WDR27: variants seen among roughly 807,000 people sequenced by gnomAD.
WDR27 encodes the protein WD repeat-containing protein 27.
Under a neutral mutation model 114.4 loss-of-function variants are expected in WDR27, and 100 were observed. The observed-to-expected ratio is 0.87, with a 90% CI of 0.74 to 1.03. The LOEUF is 1.03. Among genes scored for constraint, WDR27 ranks in the 50% least tolerant of loss-of-function variants. The pLI, the probability that WDR27 is intolerant of heterozygous loss-of-function variation, is 0.00. For synonymous variants in WDR27, 449 were observed against 423.1 expected, an observed-to-expected ratio of 1.06 and a Z score of -0.75; for missense variants, 1,129 against 1,092.9, an observed-to-expected ratio of 1.03 and a Z score of -0.47.
At chr6:169,621,066 C>T (rs1422661020) in intron 21 of WDR27, among the ~76,000 whole-genome samples, 1 of 152,214 alleles carries the variant, frequency 6.6e-6, no homozygotes, top group Non-Finnish European at 1.5e-5. Context: ...ATTCACAGAA[C>T]ACTGCCAAGT....
rs187771538 is a variant in WDR27, at chr6:169,642,582, G to A, written c.1747+1115C>T. Among the ~76,000 whole-genome samples, 407 of 152,296 alleles carry A rather than the reference G, an allele frequency of 2.7e-3. 2 individuals carry two copies. Among genetic ancestry groups the A allele is most frequent in the African/African-American group, 9.4e-3 (391 of 41,574 alleles). Reference sequence around the variant, plus strand: ...CAAGGGTGGCATCCAGGCCAAGCCCGGAGAACCGTTCTCCACCCAGACCAT... The same window carrying A: ...CAAGGGTGGCATCCAGGCCAAGCCCAGAGAACCGTTCTCCACCCAGACCAT... On this transcript the variant is annotated intron_variant, in intron 17 of 25. Coordinates refer to ENST00000448612, the MANE Select transcript of WDR27 (RefSeq NM_182552.5).
the WDR27 span, among the ~76,000 whole-genome samples, chr6:169,447,278 G>A: frequency 1.3e-5 from 2 of 152,066 alleles, no homozygotes; most frequent in Non-Finnish European, 2.9e-5. Flanking sequence ...TCAATTATAC[G>A]CAATTTAAAT....
At chr6:169,510,743 G>A in intron 25 of WDR27, among the ~76,000 whole-genome samples, 1 of 151,882 alleles carries the variant, frequency 6.6e-6, no homozygotes, top group Non-Finnish European at 1.5e-5. Flanking sequence ...TAACAAACCT[G>A]CACGTTGTGC....
At chr6:169,616,728 A>C (rs1007706147) in intron 21 of WDR27, among the ~76,000 whole-genome samples, 2 of 152,230 alleles carry the variant, frequency 1.3e-5, no homozygotes, top group Non-Finnish European at 2.9e-5. Flanking sequence ...CATAGTGTCC[A>C]GTTTTCAATA....
At chr6:169,672,175 C>G in intron 3 of WDR27, 80 bp downstream of exon 3, 1 of 1,481,942 alleles carries the variant, frequency 6.7e-7, no homozygotes, top group South Asian at 1.3e-5. Context: ...GGAAACACCC[C>G]TTGGGTGGTA....
intron 22 of WDR27, among the ~76,000 whole-genome samples, chr6:169,604,290 G>T (rs1808658834): frequency 6.6e-6 from 1 of 151,982 alleles, no homozygotes; most frequent in Admixed American, 6.6e-5. Flanking sequence ...AATACCACAG[G>T]AATGCAAAAT....
At chr6:169,529,325 C>G (rs1438076148) in intron 25 of WDR27, among the ~76,000 whole-genome samples, 26 of 111,510 alleles carry the variant, frequency 2.3e-4, no homozygotes, top group Non-Finnish European at 4.4e-4. Flanking sequence ...GGGGGGGGGG[C>G]AGCTAATGCT....
chr6:169,653,612 GTGAA>G lies in WDR27; in HGVS notation c.1403-1608_1403-1605del, dbSNP rs559536475. Among the ~76,000 whole-genome samples the G allele has an allele frequency of 1.7e-3, 265 of 152,266 alleles. 3 individuals are homozygous for G. The highest frequency in any genetic ancestry group is 6.3e-3 in the African/African-American group (260 of 41,530). On this transcript the variant is annotated intron_variant, in intron 13 of 25. Transcript: ENST00000448612. ...TTTTGAGGGTACTGCTATTTAAAAA[GTGAA>G]TGCTAACTTTCATTATCTGGGTAAC... is the stretch of plus-strand genomic sequence containing the variant.
rs138334821 is a variant in WDR27, at chr6:169,503,800, A to G, written c.2646-46166T>C. Among the ~76,000 whole-genome samples the G allele has an allele frequency of 1.4e-3, 206 of 151,740 alleles. 5 individuals carry two copies. In the East Asian group the frequency reaches 0.033, roughly 24 times the overall value. On this transcript the variant is annotated intron_variant, in intron 25 of 25. Coordinates refer to ENST00000448612, the MANE Select transcript of WDR27 (RefSeq NM_182552.5). ...ATCCTTTTCTCATTATTTTGAACCT[A>G]TATCAATCTAGCATGCCACTTCCAT...
chr6:169,699,506 C>T (rs1434547298), intron 1 of WDR27, among the ~76,000 whole-genome samples: 1 of 152,142 alleles, frequency 6.6e-6, no homozygotes, highest in African/African-American at 2.4e-5. Context: ...CGTGAGGACA[C>T]GATGAAGCCT....
chr6:169,479,275 AAATG>A (rs1344542012), intron 25 of WDR27, among the ~76,000 whole-genome samples: 4 of 152,212 alleles, frequency 2.6e-5, no homozygotes, highest in African/African-American at 9.6e-5. Flanking sequence ...GCCAACAAAC[AAATG>A]AAAGAAATGT....
chr6:169,650,253 C>CTG (rs1562814036), intron 14 of WDR27, among the ~76,000 whole-genome samples: 2 of 146,294 alleles, frequency 1.4e-5, no homozygotes, highest in East Asian at 2.1e-4. Context: ...TCTCTGCATC[C>CTG]CCCCATCCCC....
chr6:169,562,595 G>A (rs928267610), intron 25 of WDR27, among the ~76,000 whole-genome samples: 26 of 152,100 alleles, frequency 1.7e-4, no homozygotes, highest in African/African-American at 6.3e-4. Flanking sequence ...TCTGCAGGAT[G>A]ACAAGCTCCA....
intron 25 of WDR27, among the ~76,000 whole-genome samples, chr6:169,563,595 G>A (rs541818189): frequency 6.6e-6 from 1 of 152,332 alleles, no homozygotes; most frequent in Non-Finnish European, 1.5e-5. Flanking sequence ...GTGCTCACGA[G>A]AGACAAGAGG....
intron 25 of WDR27, among the ~76,000 whole-genome samples, chr6:169,506,121 C>A (rs1168753414): frequency 6.6e-6 from 1 of 152,212 alleles, no homozygotes; most frequent in African/African-American, 2.4e-5. Flanking sequence ...AGTATTTCAT[C>A]TGAGCTAAAA....
intron 25 of WDR27, among the ~76,000 whole-genome samples, chr6:169,473,456 G>GGA (rs143371529): frequency 0.03 from 4,639 of 152,226 alleles, 211 homozygotes; most frequent in African/African-American, 0.1. Flanking sequence ...AGGGATGTTA[G>GGA]GAGTCTCTTG....
At chr6:169,690,906 G>A (rs1243655487) in intron 1 of WDR27, among the ~76,000 whole-genome samples, 1 of 152,210 alleles carries the variant, frequency 6.6e-6, no homozygotes, top group Non-Finnish European at 1.5e-5. Context: ...GACCACTCGA[G>A]ATCATCTTCT....
chr6:169,610,734 T>A (rs959291904), intron 22 of WDR27, among the ~76,000 whole-genome samples: 4 of 152,172 alleles, frequency 2.6e-5, no homozygotes, highest in Non-Finnish European at 5.9e-5. Context: ...CAAAAGAATG[T>A]CTTTTGCAGC....
intron 13 of WDR27, among the ~76,000 whole-genome samples, chr6:169,653,140 A>G (rs994676827): frequency 6.6e-6 from 1 of 152,252 alleles, no homozygotes; most frequent in African/African-American, 2.4e-5. Flanking sequence ...CTCAGCATGG[A>G]GCCCACTCTC....
Sources: allele counts gnomAD v4.1 joint callset (sites outside exome capture counted in the v4.1 genomes callset), GRCh38; gene constraint gnomAD v4.1.1; transcripts MANE v1.5; gene names NCBI Gene and HGNC (gene_info 2026-07-23, HGNC 2026-07-21).